ZNF480: variants seen among roughly 807,000 people sequenced by gnomAD.
ZNF480 encodes the protein zinc finger protein 480.
In ZNF480, 15 loss-of-function variants were observed where a neutral mutation model predicts 14.4. That is an observed-to-expected ratio of 1.04 (90% CI 0.70 to 1.60). The LOEUF (loss-of-function observed/expected upper bound fraction) is 1.60. ZNF480 is among the 40% of genes most tolerant of loss of function. ZNF480 has a pLI of 0.00. For synonymous variants in ZNF480, 218 were observed against 215.5 expected, an observed-to-expected ratio of 1.01 and a Z score of -0.10; for missense variants, 593 against 629.7, an observed-to-expected ratio of 0.94 and a Z score of 0.62.
chr19:52,324,964 C>T lies in ZNF480; in HGVS notation c.*2106C>T, dbSNP rs992040693. 2.6e-5 allele frequency: 4 copies of T among 152,100 alleles called. No individual in the cohort carries two copies. Among genetic ancestry groups the T allele is most frequent in the African/African-American group, 9.7e-5 (4 of 41,428 alleles). 9.4% of individuals were successfully genotyped at this position (152,100 alleles called of 1,614,324 possible). ...ATTAAACTAAATAACTTCTGCACAG[C>T]AAAAGAAGCTATTTGCAGACTACAG... On this transcript the variant is annotated 3_prime_UTR_variant, in exon 5 of 5. Transcript: ENST00000595962.
At chr19:52,312,066 C>T (rs978791822) in intron 2 of ZNF480, among the ~76,000 whole-genome samples, 1 of 151,736 alleles carries the variant, frequency 6.6e-6, no homozygotes, top group South Asian at 2.1e-4. Flanking sequence ...TTTCCATGAC[C>T]TCGGAAATTG....
chr19:52,314,410 C>T lies in ZNF480; in HGVS notation c.199+131C>T, dbSNP rs1568633604. On this transcript the variant is annotated intron_variant, in intron 3 of 4. Coordinates refer to ENST00000595962, the MANE Select transcript of ZNF480 (RefSeq NM_144684.4). ...AGGAGAATCACTTGAACCTGGGAGG[C>T]AGAGGTTTTGGTGAGCCGAGATCAC... 3 of 814,516 alleles carry T rather than the reference C, an allele frequency of 3.7e-6. No homozygotes were observed. The Admixed American group carries it at 1.4e-4, about 37-fold the overall frequency. The allele number at this position is 814,516 out of a possible 1,614,324, so 50.5% of individuals were successfully genotyped here.
chr19:52,307,998 C>G (rs920063829), intron 2 of ZNF480, among the ~76,000 whole-genome samples: 2 of 152,210 alleles, frequency 1.3e-5, no homozygotes, highest in Non-Finnish European at 2.9e-5. Context: ...CTGTTGCCAG[C>G]ACCGCAGTCC....
intron 2 of ZNF480, among the ~76,000 whole-genome samples, chr19:52,305,013 G>C (rs1982862781): frequency 6.6e-6 from 1 of 152,024 alleles, no homozygotes; most frequent in African/African-American, 2.4e-5. Flanking sequence ...GCAGGAGAAT[G>C]GCGTGAACCT....
intron 2 of ZNF480, 188 bp downstream of exon 2, chr19:52,300,672 TA>T: frequency 2.1e-6 from 2 of 949,230 alleles, no homozygotes; most frequent in Non-Finnish European, 3.1e-6. Context: ...CTAGAGGAAT[TA>T]AAGACACAGA....
At chr19:52,303,689 T>C (rs1027896408) in intron 2 of ZNF480, among the ~76,000 whole-genome samples, 1 of 152,220 alleles carries the variant, frequency 6.6e-6, no homozygotes, top group Non-Finnish European at 1.5e-5. Flanking sequence ...GAGTTGTAAC[T>C]CTGCCTCAGC....
chr19:52,322,805 G>A lies in ZNF480; in HGVS notation c.1555G>A (p.Ala519Thr), dbSNP rs1435975087. 2.5e-6 allele frequency: 4 copies of A among 1,609,284 alleles called. No homozygotes were observed. The highest frequency in any genetic ancestry group is 3.4e-6 in the Non-Finnish European group (4 of 1,176,814). The change falls in exon 5 of 5, where the codon GCC becomes ACC. Residue 519 changes from alanine to threonine, a missense_variant. Transcript: ENST00000595962. ...TTACAAATGTAATGAGTGTGGCAAG[G>A]CCTTTAGTCGCATTTCATACCTAGC... The part of the protein sequence containing the change: ...KPYKCNECGK[A>T]FSRISYLAQH...
At chr19:52,312,350 C>T (rs999708954) in intron 2 of ZNF480, among the ~76,000 whole-genome samples, 15 of 151,856 alleles carry the variant, frequency 9.9e-5, no homozygotes, top group African/African-American at 3.6e-4. Context: ...TTAGTAGAGA[C>T]TGGGCTTCAC....
At chr19:52,311,638 C>T (rs547444877) in intron 2 of ZNF480, among the ~76,000 whole-genome samples, 1 of 152,044 alleles carries the variant, frequency 6.6e-6, no homozygotes, top group East Asian at 1.9e-4. Context: ...CTGAAATGTA[C>T]ATAGCAAAAA....
chr19:52,322,654 A>G lies in ZNF480; in HGVS notation c.1404A>G (p.Leu468=), dbSNP rs1983896601. ...SECGKAFRHK[L]SLTNHQRIHT... ...GTGGCAAGGCATTCAGACACAAGTT[A>G]TCACTAACCAATCATCAGAGAATCC... The change falls in exon 5 of 5, where the codon TTA becomes TTG. Residue 468 remains leucine, a synonymous_variant. Transcript: ENST00000595962. The G allele has an allele frequency of 3.7e-6, 6 of 1,613,870 alleles. No homozygotes were observed. The highest frequency in any genetic ancestry group is 2.2e-5 in the South Asian group (2 of 91,080).
chr19:52,316,792 A>G (rs1270357147), intron 4 of ZNF480, among the ~76,000 whole-genome samples: 1 of 152,146 alleles, frequency 6.6e-6, no homozygotes, highest in African/African-American at 2.4e-5. Context: ...AAATGGAATC[A>G]CACAGTATTT....
In ZNF480 at chr19:52,310,207, C is replaced by G. The variant is rs370675682; in HGVS notation, c.73-3946C>G. Among the ~76,000 whole-genome samples the G allele has an allele frequency of 6.0e-4, 91 of 152,068 alleles. 1 individual carries two copies. Among genetic ancestry groups the G allele is most frequent in the African/African-American group, 2.1e-3 (86 of 41,466 alleles). ...AGTAGCTGAGATTACAGGCACCCACCACCATGCCCAGCTAATTTTTTGTAT... is the reference window on the plus strand; with the variant it reads ...AGTAGCTGAGATTACAGGCACCCACGACCATGCCCAGCTAATTTTTTGTAT... On this transcript the variant is annotated intron_variant, in intron 2 of 4. Transcript: ENST00000595962.
chr19:52,305,853 C>G (rs970816250), intron 2 of ZNF480, among the ~76,000 whole-genome samples: 5 of 152,200 alleles, frequency 3.3e-5, no homozygotes, highest in Non-Finnish European at 5.9e-5. Flanking sequence ...TTCCCATCTT[C>G]ATCAAACTTA....
At chr19:52,303,229 C>T (rs1022988044) in intron 2 of ZNF480, among the ~76,000 whole-genome samples, 5 of 152,172 alleles carry the variant, frequency 3.3e-5, no homozygotes, top group Non-Finnish European at 7.3e-5. Flanking sequence ...TTACTAGACC[C>T]ATCTGTAAAA....
intron 4 of ZNF480, 99 bp from the exon 5 acceptor site, chr19:52,321,480 A>C (rs1983806939): frequency 2.0e-6 from 2 of 1,021,192 alleles, no homozygotes; most frequent in African/African-American, 1.6e-5. Flanking sequence ...TATTTCTTCC[A>C]ATGTCTGAGT....
chr19:52,319,084 A>C (rs766719657), intron 4 of ZNF480, among the ~76,000 whole-genome samples: 2 of 152,014 alleles, frequency 1.3e-5, no homozygotes, highest in Non-Finnish European at 2.9e-5. Flanking sequence ...GTCTGGTCTC[A>C]AACTCCTGAC....
chr19:52,317,095 G>C (rs1199666517), intron 4 of ZNF480, among the ~76,000 whole-genome samples: 4 of 151,970 alleles, frequency 2.6e-5, no homozygotes, highest in Non-Finnish European at 1.5e-5. Flanking sequence ...TTGGCTCACT[G>C]CAACCTCCAC....
Position 52,314,258 on chromosome 19 carries a change from T to A in ZNF480, c.178T>A (p.Tyr60Asn), listed in dbSNP as rs764089536. 127 of 1,569,226 alleles carry A rather than the reference T, an allele frequency of 8.1e-5. 4 individuals carry two copies. In the South Asian group the frequency reaches 1.4e-3, roughly 17 times the overall value. The change falls in exon 3 of 5, where the codon TAC becomes AAC. Residue 60 changes from tyrosine to asparagine, a missense_variant. Coordinates refer to ENST00000595962, the MANE Select transcript of ZNF480 (RefSeq NM_144684.4). ...ALYKDVMLEN[Y>N]RNLVSLGISL... ...ATACAAGGATGTGATGTTGGAGAAC[T>A]ACAGGAACCTGGTCTCCCTGGGTGA...
At position 52,300,463 on chromosome 19, in the gene ZNF480, G is replaced by A. The variant is rs368544402; in HGVS notation, c.51G>A (p.Glu17=). 160 of 1,613,022 alleles carry A rather than the reference G, an allele frequency of 9.9e-5. No individual in the cohort carries two copies. Among genetic ancestry groups the A allele is most frequent in the South Asian group, 1.5e-4 (14 of 91,074 alleles). The change falls in exon 2 of 5, where the codon GAG becomes GAA. Residue 17 remains glutamate, a synonymous_variant. Transcript: ENST00000595962. ...AGAGAAGGAAGAGGAAAGCAAAGGA[G>A]TCAGGGATGGCTCTTCCTCAGGTGA... ...AQKRRKRKAK[E]SGMALPQGHL... is the part of the protein sequence containing the mutation.
Sources: allele counts gnomAD v4.1 joint callset (sites outside exome capture counted in the v4.1 genomes callset), GRCh38; gene constraint gnomAD v4.1.1; transcripts MANE v1.5; gene names NCBI Gene and HGNC (gene_info 2026-07-23, HGNC 2026-07-21).